Variants in THSD7B observed in about 807,000 individuals in gnomAD.
THSD7B encodes the protein thrombospondin type-1 domain-containing protein 7B.
Under a neutral mutation model 213.6 loss-of-function variants are expected in THSD7B, and 138 were observed. The observed-to-expected ratio is 0.65, with a 90% CI of 0.56 to 0.74. The LOEUF (loss-of-function observed/expected upper bound fraction) is 0.74. Ranked by LOEUF, THSD7B falls within the 30% of genes least tolerant of loss-of-function variation. The pLI, the probability that THSD7B is intolerant of heterozygous loss-of-function variation, is 0.00. For missense variants in THSD7B, 1,931 were observed against 1,991.5 expected (o/e 0.97, Z 0.58); for synonymous variants, 742 against 687.0 (o/e 1.08, Z -1.25).
chr2:137,378,155 G>A (rs1685700660), intron 12 of THSD7B, among the ~76,000 whole-genome samples: 1 of 152,078 alleles, frequency 6.6e-6, no homozygotes, highest in Non-Finnish European at 1.5e-5. Flanking sequence ...ACAAAAAAAA[G>A]CCTGGTTGCG....
intron 21 of THSD7B, among the ~76,000 whole-genome samples, chr2:137,654,184 T>C (rs1683190578): frequency 6.6e-6 from 1 of 152,206 alleles, no homozygotes; most frequent in Non-Finnish European, 1.5e-5. Flanking sequence ...TTTGCTTCAG[T>C]AAACAATTAG....
At chr2:137,502,460 G>T (rs1462482109) in intron 15 of THSD7B, among the ~76,000 whole-genome samples, 1 of 152,110 alleles carries the variant, frequency 6.6e-6, no homozygotes, top group African/African-American at 2.4e-5. Context: ...TCTTACATTT[G>T]AAATGGAGTA....
intron 2 of THSD7B, among the ~76,000 whole-genome samples, chr2:136,932,773 T>A (rs756068349): frequency 2.0e-5 from 3 of 152,080 alleles, no homozygotes; most frequent in Non-Finnish European, 2.9e-5. Context: ...AATCCACATA[T>A]AAGCGGACCT....
intron 27 of THSD7B, among the ~76,000 whole-genome samples, chr2:137,669,408 T>C (rs1341766625): frequency 6.6e-6 from 1 of 152,092 alleles, no homozygotes; most frequent in African/African-American, 2.4e-5. Flanking sequence ...GAAAAGTTCA[T>C]CTTCAGTTGG....
intron 5 of THSD7B, among the ~76,000 whole-genome samples, chr2:137,130,149 G>A (rs1238139205): frequency 6.6e-6 from 1 of 152,100 alleles, no homozygotes; most frequent in Admixed American, 6.6e-5. Flanking sequence ...ACTGACAGGT[G>A]GGTGCTGTTT....
chr2:137,026,090 T>G (rs1686549424), intron 2 of THSD7B, among the ~76,000 whole-genome samples: 1 of 152,174 alleles, frequency 6.6e-6, no homozygotes, highest in Admixed American at 6.6e-5. Flanking sequence ...AAAGATGAAC[T>G]ATCCTCCTTC....
chr2:137,174,423 G>A (rs1301933157), intron 7 of THSD7B, among the ~76,000 whole-genome samples: 1 of 152,194 alleles, frequency 6.6e-6, no homozygotes, highest in Non-Finnish European at 1.5e-5. Context: ...TATAATCTAT[G>A]TCACATTGAA....
intron 2 of THSD7B, among the ~76,000 whole-genome samples, chr2:136,988,633 C>A (rs1465739674): frequency 6.6e-6 from 1 of 152,166 alleles, no homozygotes; most frequent in Non-Finnish European, 1.5e-5. Flanking sequence ...TTTATGTTTT[C>A]CAAAGAAACT....
chr2:137,634,174 T>C (rs1003042849), intron 20 of THSD7B, among the ~76,000 whole-genome samples: 2 of 152,256 alleles, frequency 1.3e-5, no homozygotes, highest in Middle Eastern at 3.4e-3. Context: ...TTAAGTGACA[T>C]TGTACCCTAT....
intron 1 of THSD7B, among the ~76,000 whole-genome samples, chr2:136,869,255 T>G (rs1463550119): frequency 6.6e-6 from 1 of 152,184 alleles, no homozygotes; most frequent in Non-Finnish European, 1.5e-5. Context: ...AACTTCTGAA[T>G]TAACTTTACT....
intron 2 of THSD7B, among the ~76,000 whole-genome samples, chr2:136,971,833 C>T (rs988351885): frequency 4.6e-5 from 7 of 151,950 alleles, no homozygotes; most frequent in African/African-American, 1.2e-4. Flanking sequence ...TAAGAAGTTT[C>T]GAGATAGGGA....
intron 1 of THSD7B, among the ~76,000 whole-genome samples, chr2:136,793,779 A>T (rs1397262466): frequency 2.6e-5 from 4 of 151,792 alleles, no homozygotes; most frequent in Non-Finnish European, 1.5e-5. Flanking sequence ...GGATTATCCT[A>T]GCCTCATAAC....
intron 3 of THSD7B, among the ~76,000 whole-genome samples, chr2:137,058,951 A>T (rs1409771520): frequency 1.3e-5 from 2 of 152,212 alleles, no homozygotes; most frequent in African/African-American, 4.8e-5. Flanking sequence ...TAAGCCATCC[A>T]GCTTCTGGTA....
At chr2:136,976,045 A>C (rs548437113) in intron 2 of THSD7B, among the ~76,000 whole-genome samples, 1 of 152,310 alleles carries the variant, frequency 6.6e-6, no homozygotes, top group East Asian at 1.9e-4. Context: ...TTGTATCCTG[A>C]GACTTTGCTG....
At chr2:137,468,707 G>A (rs981244373) in intron 15 of THSD7B, among the ~76,000 whole-genome samples, 12 of 151,994 alleles carry the variant, frequency 7.9e-5, no homozygotes, top group Non-Finnish European at 2.9e-5. Flanking sequence ...AGTAAATTGA[G>A]TCACTGGAAA....
intron 20 of THSD7B, among the ~76,000 whole-genome samples, chr2:137,634,962 G>A (rs1682806578): frequency 1.3e-5 from 2 of 151,990 alleles, no homozygotes; most frequent in African/African-American, 4.8e-5. Flanking sequence ...CCACCTCACT[G>A]TCTATTATTT....
intron 12 of THSD7B, among the ~76,000 whole-genome samples, chr2:137,393,811 C>T (rs1284555803): frequency 7.1e-6 from 1 of 141,662 alleles, no homozygotes; most frequent in Non-Finnish European, 1.6e-5. Flanking sequence ...TCCACATCCT[C>T]TCCAGCACCT....
chr2:136,792,213 T>G (rs189425007), intron 1 of THSD7B, among the ~76,000 whole-genome samples: 2 of 152,030 alleles, frequency 1.3e-5, no homozygotes, highest in African/African-American at 4.8e-5. Flanking sequence ...TAAAATTTCC[T>G]CTGTGAGGAA....
intron 2 of THSD7B, among the ~76,000 whole-genome samples, chr2:136,902,585 G>A (rs2105013757): frequency 6.6e-6 from 1 of 152,296 alleles, no homozygotes; most frequent in East Asian, 1.9e-4. Context: ...GAGGATAGGG[G>A]TCCAGAGCCT....
Sources: gnomAD v4.1 joint callset for allele counts (sites outside exome capture counted in the v4.1 genomes callset) on GRCh38, gnomAD v4.1.1 for gene constraint, MANE v1.5 for transcripts, NCBI Gene and HGNC (gene_info 2026-07-23, HGNC 2026-07-21) for gene names.